SRPK2: variants seen among roughly 807,000 people sequenced by gnomAD.
The protein encoded by SRPK2 is SRSF protein kinase 2.
In SRPK2, 21 loss-of-function variants were observed where a neutral mutation model predicts 90.8. The ratio of observed to expected loss-of-function variants is 0.23; its 90% CI spans 0.16 to 0.33. SRPK2 has a LOEUF of 0.33. Ranked by LOEUF, SRPK2 falls within the 10% of genes least tolerant of loss-of-function variation. The pLI, the probability that SRPK2 is intolerant of heterozygous loss-of-function variation, is 1.00. For missense variants in SRPK2, 620 were observed against 869.0 expected (o/e 0.71, Z 3.60); for synonymous variants, 288 against 311.1 (o/e 0.93, Z 0.78).
chr7:105,388,971 C>T (rs1822008913), upstream of SRPK2: 1 of 1,094,266 alleles, frequency 9.1e-7, no homozygotes, highest in African/African-American at 1.7e-5. Flanking sequence ...AAGACCCGCC[C>T]CCGTCCGGCC....
chr7:105,335,538 T>C (rs2131790757), intron 2 of SRPK2, among the ~76,000 whole-genome samples: 1 of 151,928 alleles, frequency 6.6e-6, no homozygotes, highest in South Asian at 2.1e-4. Flanking sequence ...CTGTCTCTAG[T>C]TCCAACTACT....
intron 2 of SRPK2, among the ~76,000 whole-genome samples, chr7:105,338,109 C>T (rs1278331754): frequency 7.0e-6 from 1 of 143,750 alleles, no homozygotes; most frequent in Non-Finnish European, 1.5e-5. Context: ...TTCAATGTAA[C>T]TCCTAGAACC....
At chr7:105,303,461 AT>A (rs1003528258) in intron 2 of SRPK2, among the ~76,000 whole-genome samples, 2 of 152,032 alleles carry the variant, frequency 1.3e-5, no homozygotes, top group South Asian at 2.1e-4. Context: ...TTAAAGTATA[AT>A]TAAAAAAAAA....
In SRPK2 at chr7:105,367,522, CA is replaced by C. The variant is rs370264472; in HGVS notation, c.71+21125del. On this transcript the variant is annotated intron_variant, in intron 2 of 15. Coordinates refer to ENST00000393651, the MANE Select transcript of SRPK2 (RefSeq NM_182692.3). ...AAGCAATCCACCCACCTCAGCCTCC[CA>C]AAGAGCTGGGATTACTGGCATGAGT... 4.2e-3 allele frequency among the ~76,000 whole-genome samples: 640 copies of C among 152,212 alleles called. 1 individual carries two copies. Among genetic ancestry groups the C allele is most frequent in the Middle Eastern group, 0.014 (4 of 294 alleles).
At chr7:105,192,979 C>T (rs116397290) in intron 3 of SRPK2, among the ~76,000 whole-genome samples, 4,401 of 152,134 alleles carry the variant, frequency 0.029, 211 homozygotes, top group African/African-American at 0.099. Flanking sequence ...TTTTCTCCTA[C>T]GCTTTCGGTT....
chr7:105,174,085 A>T (rs867434152), intron 3 of SRPK2, among the ~76,000 whole-genome samples: 10 of 151,300 alleles, frequency 6.6e-5, no homozygotes, highest in South Asian at 2.1e-4. Flanking sequence ...TCTCTAATAA[A>T]AAAAAAAAAA....
intron 2 of SRPK2, among the ~76,000 whole-genome samples, chr7:105,375,799 C>A (rs1482312462): frequency 6.6e-6 from 1 of 151,936 alleles, no homozygotes; most frequent in East Asian, 1.9e-4. Context: ...GCACCCATAT[C>A]ATGTATTATG....
At chr7:105,196,568 G>A (rs1794941708) in intron 3 of SRPK2, among the ~76,000 whole-genome samples, 1 of 152,194 alleles carries the variant, frequency 6.6e-6, no homozygotes, top group Non-Finnish European at 1.5e-5. Context: ...GCCCGTCACG[G>A]CAAGCAAATG....
chr7:105,148,862 G>A (rs1479172122), intron 7 of SRPK2, among the ~76,000 whole-genome samples: 1 of 152,202 alleles, frequency 6.6e-6, no homozygotes, highest in African/African-American at 2.4e-5. Flanking sequence ...CCAGGGCTCT[G>A]CAGGACATGC....
intron 3 of SRPK2, among the ~76,000 whole-genome samples, chr7:105,202,707 A>G (rs796550990): frequency 2.0e-5 from 3 of 152,338 alleles, no homozygotes; most frequent in African/African-American, 7.2e-5. Flanking sequence ...TGAAAACATA[A>G]CCCACTATGT....
At chr7:105,256,357 G>T (rs917372140) in intron 2 of SRPK2, among the ~76,000 whole-genome samples, 1 of 151,972 alleles carries the variant, frequency 6.6e-6, no homozygotes, top group African/African-American at 2.4e-5. Context: ...ATGTACGTAC[G>T]TATGTATGTA....
At chr7:105,211,895 C>A (rs961562687) in intron 2 of SRPK2, among the ~76,000 whole-genome samples, 4 of 152,284 alleles carry the variant, frequency 2.6e-5, no homozygotes, top group East Asian at 3.9e-4. Context: ...ACCTGCTTCC[C>A]AACTAATCTA....
At position 105,186,379 on chromosome 7, in the gene SRPK2, T is replaced by C. The variant is rs185120901; in HGVS notation, c.230-17114A>G. Among the ~76,000 whole-genome samples, 337 of 152,332 alleles carry C rather than the reference T, an allele frequency of 2.2e-3. 2 individuals carry two copies. Among genetic ancestry groups the C allele is most frequent in the African/African-American group, 7.3e-3 (305 of 41,566 alleles). ...CCCCTTTTGGAGTCCTCAGTGTCTA[T>C]TGTTTCCATCTTTAAGTCCATGTGT... On this transcript the variant is annotated intron_variant, in intron 3 of 15. Coordinates refer to ENST00000393651, the MANE Select transcript of SRPK2 (RefSeq NM_182692.3).
intron 2 of SRPK2, chr7:105,206,593 T>G (rs1286093518): frequency 6.5e-6 from 1 of 153,068 alleles, no homozygotes; most frequent in Non-Finnish European, 1.5e-5. Context: ...GTAATGCTGA[T>G]TAATAGTTCA....
intron 2 of SRPK2, among the ~76,000 whole-genome samples, chr7:105,340,938 A>G (rs183288301): frequency 2.6e-4 from 39 of 152,314 alleles, no homozygotes; most frequent in Non-Finnish European, 5.0e-4. Flanking sequence ...GTATAATGAT[A>G]TGTGTCAACA....
chr7:105,373,648 T>C (rs1819961182), intron 2 of SRPK2, among the ~76,000 whole-genome samples: 2 of 151,664 alleles, frequency 1.3e-5, no homozygotes, highest in South Asian at 4.2e-4. Flanking sequence ...AGTGATCCGC[T>C]CGCTTCGGCC....
chr7:105,357,348 T>C (rs976000834), intron 2 of SRPK2, among the ~76,000 whole-genome samples: 40 of 152,184 alleles, frequency 2.6e-4, no homozygotes, highest in African/African-American at 9.2e-4. Context: ...CAAATAACAC[T>C]AATTTTTTAA....
chr7:105,312,423 G>C (rs1369113228), intron 2 of SRPK2, among the ~76,000 whole-genome samples: 1 of 104,564 alleles, frequency 9.6e-6, no homozygotes, highest in South Asian at 3.7e-4. Context: ...CTAAGCAACA[G>C]AGTGAGACTC....
At chr7:105,306,403 A>G in intron 2 of SRPK2, 1 of 414,134 alleles carries the variant, frequency 2.4e-6, no homozygotes. Flanking sequence ...ACGTATCACT[A>G]GAACCAAGAT....
Sources: gnomAD v4.1 joint callset for allele counts (sites outside exome capture counted in the v4.1 genomes callset) on GRCh38, gnomAD v4.1.1 for gene constraint, MANE v1.5 for transcripts, NCBI Gene and HGNC (gene_info 2026-07-23, HGNC 2026-07-21) for gene names.